The following IARS1 variants were observed in gnomAD, a reference collection of about 807,000 sequenced individuals.
The protein encoded by IARS1 is isoleucine--tRNA ligase, cytoplasmic.
Under a neutral mutation model 168.2 loss-of-function variants are expected in IARS1, and 124 were observed. The ratio of observed to expected loss-of-function variants is 0.74; its 90% CI spans 0.64 to 0.86. The LOEUF (loss-of-function observed/expected upper bound fraction) is 0.86, where lower values mean the gene tolerates loss of function less well. IARS1 is among the 40% of genes least tolerant of loss of function. The pLI is 0.00. For missense variants in IARS1, 1,452 were observed against 1,515.8 expected, an observed-to-expected ratio of 0.96 and a Z score of 0.70; for synonymous variants, 532 against 529.4, an observed-to-expected ratio of 1.00 and a Z score of -0.07.
chr9:92,260,303 A>G, intron 17 of IARS1, 69 bp from the exon 18 acceptor site: 1 of 1,029,670 alleles, frequency 9.7e-7, no homozygotes, highest in Non-Finnish European at 1.5e-6. Flanking sequence ...TTAAGGATAC[A>G]AATCATTTGC....
intron 33 of IARS1, among the ~76,000 whole-genome samples, chr9:92,212,554 TTTGC>T (rs1837937298): frequency 6.6e-6 from 1 of 152,168 alleles, no homozygotes; most frequent in Admixed American, 6.5e-5. Context: ...TGCCACTGCA[TTTGC>T]TTGCAAGAAC....
intron 9 of IARS1, 102 bp downstream of exon 9, chr9:92,277,761 G>A: frequency 1.1e-6 from 1 of 875,082 alleles, no homozygotes; most frequent in Non-Finnish European, 1.8e-6. Flanking sequence ...TCTGGATTCA[G>A]GTACACTCAT....
At chr9:92,256,544 A>G (rs1830745130) in intron 20 of IARS1, 136 bp downstream of exon 20, 1 of 939,154 alleles carries the variant, frequency 1.1e-6, no homozygotes, top group Admixed American at 2.5e-5. Context: ...AAGCCTTAAC[A>G]AAACTATATG....
rs1828464670 is a variant in IARS1, at chr9:92,241,901, C to T, written c.3177+253G>A. Among the ~76,000 whole-genome samples, 3 of 152,074 alleles carry T rather than the reference C, an allele frequency of 2.0e-5. 1 individual carries two copies. Among genetic ancestry groups the T allele is most frequent in the East Asian group, 3.9e-4 (2 of 5,188 alleles). Reference sequence around the variant, plus strand: ...TAGAAAAAACAGGCCATTTTATTTCCGGGCAAAGCTCATGTACCCTCCTGG... The same window carrying T: ...TAGAAAAAACAGGCCATTTTATTTCTGGGCAAAGCTCATGTACCCTCCTGG... On this transcript the variant is annotated intron_variant, in intron 29 of 33. Coordinates refer to ENST00000443024, the MANE Select transcript of IARS1 (RefSeq NM_002161.6).
Position 92,268,287 on chromosome 9 carries a change from C to T in IARS1, c.1318G>A (p.Val440Ile). The change falls in exon 14 of 34, where the codon GTA (valine) becomes ATA (isoleucine). Residue 440 changes from valine to isoleucine, a missense_variant. Transcript: ENST00000443024. The stretch of plus-strand genomic sequence containing the variant: ...CAATTTCCAAATCGTTTTTCTCGTA[C>T]CAACTCTGGGACCCTGCAATAAACA... ...NDLCYWVPEL[V>I]REKRFGNWLK... is the part of the protein sequence containing the mutation. 6.2e-7 allele frequency: 1 copy of T among 1,610,562 alleles called. No individual in the cohort carries two copies. The highest frequency in any genetic ancestry group is 8.5e-7 in the Non-Finnish European group (1 of 1,179,188).
chr9:92,228,992 T>C lies in IARS1; in HGVS notation c.3409+9A>G. On this transcript the variant is annotated intron_variant, in intron 31 of 33. Coordinates refer to ENST00000443024, the MANE Select transcript of IARS1 (RefSeq NM_002161.6). ...CAAAGGACGTAGGCTCCTCTCACTTTCCACATACCTGTTTCATCATGGAAG... is the reference window on the plus strand; with the variant it reads ...CAAAGGACGTAGGCTCCTCTCACTTCCCACATACCTGTTTCATCATGGAAG... 1 of 1,613,826 alleles carries C rather than the reference T, an allele frequency of 6.2e-7. No homozygotes were observed. Among genetic ancestry groups the C allele is most frequent in the South Asian group, 1.1e-5 (1 of 90,962 alleles).
At position 92,211,834 on chromosome 9, in the gene IARS1, C is replaced by T. The variant is rs1215381129; in HGVS notation, c.3707-945G>A. ...ATAATAAGCCTAGGACATGTTGCTA[C>T]GTGAGAAAGCAAGAATTTACCAAAG... On this transcript the variant is annotated intron_variant, in intron 33 of 33. Transcript: ENST00000443024. Among the ~76,000 whole-genome samples the T allele has an allele frequency of 3.3e-5, 5 of 152,046 alleles. No individual in the cohort carries two copies. In the South Asian group the frequency reaches 6.2e-4, roughly 19 times the overall value.
chr9:92,273,957 T>G lies in IARS1; in HGVS notation c.990+469A>C, dbSNP rs374326078. Among the ~76,000 whole-genome samples, 13 of 152,366 alleles carry G rather than the reference T, an allele frequency of 8.5e-5. No individual in the cohort carries two copies. The East Asian group carries it at 9.6e-4, about 11-fold the overall frequency. On this transcript the variant is annotated intron_variant, in intron 10 of 33. Transcript: ENST00000443024. ...TGATTTAAGGTGAGAGGTGGTTTAC[T>G]GTAAAGCATGTGCCTTTATGTTATT...
intron 7 of IARS1, among the ~76,000 whole-genome samples, chr9:92,279,341 A>G (rs1834192290): frequency 6.6e-6 from 1 of 152,170 alleles, no homozygotes; most frequent in African/African-American, 2.4e-5. Flanking sequence ...ATGTGTTTTG[A>G]GATCTCAGTC....
At position 92,245,484 on chromosome 9, in the gene IARS1, G is replaced by A. The variant is rs571486964; in HGVS notation, c.2792-413C>T. 6.8e-4 allele frequency among the ~76,000 whole-genome samples: 103 copies of A among 152,298 alleles called. 1 individual carries two copies. The South Asian group carries it at 0.021, about 31-fold the overall frequency. Reference sequence around the variant, plus strand: ...ATGACATGGTGTTCTGCTACCTGCTGAGCAAGGTGTGGTGAGGCTAAAATG... The same window carrying A: ...ATGACATGGTGTTCTGCTACCTGCTAAGCAAGGTGTGGTGAGGCTAAAATG... On this transcript the variant is annotated intron_variant, in intron 26 of 33. Coordinates refer to ENST00000443024, the MANE Select transcript of IARS1 (RefSeq NM_002161.6).
chr9:92,293,342 A>C, intron 1 of IARS1: 1 of 335,730 alleles, frequency 3.0e-6, no homozygotes, highest in Non-Finnish European at 6.3e-6. Flanking sequence ...ATAAATTAAG[A>C]CATATAAAAA....
intron 18 of IARS1, 29 bp downstream of exon 18, chr9:92,260,122 T>TA (rs1831310438): frequency 1.4e-6 from 2 of 1,466,996 alleles, no homozygotes; most frequent in Admixed American, 3.3e-5. Flanking sequence ...AAACAATAGA[T>TA]ACACACAAGG....
At chr9:92,286,008 T>C (rs1835395226) in intron 5 of IARS1, 169 bp from the exon 6 acceptor site, 2 of 550,880 alleles carry the variant, frequency 3.6e-6, no homozygotes, top group South Asian at 2.4e-5. Context: ...TAGTAAGACA[T>C]CAGGCAGACA....
chr9:92,245,768 ATT>A (rs572872450), intron 26 of IARS1, among the ~76,000 whole-genome samples: 6 of 143,326 alleles, frequency 4.2e-5, no homozygotes, highest in Admixed American at 1.4e-4. Flanking sequence ...TAGCCCAGGA[ATT>A]TTTTTTTTTT....
chr9:92,280,652 T>C lies in IARS1; in HGVS notation c.745+94A>G, dbSNP rs1190244753. 2.0e-5 allele frequency: 14 copies of C among 704,862 alleles called. No individual in the cohort carries two copies. The Admixed American group carries it at 2.0e-4, about 10-fold the overall frequency. 43.7% of individuals were successfully genotyped at this position (704,862 alleles called of 1,614,324 possible). On this transcript the variant is annotated intron_variant, in intron 7 of 33. Coordinates refer to ENST00000443024, the MANE Select transcript of IARS1 (RefSeq NM_002161.6). ...GTCAGATTGTTTTCAAATAATTCTATTCTTCATGCAAAAAGAAAGGTAAGC... is the reference window on the plus strand; with the variant it reads ...GTCAGATTGTTTTCAAATAATTCTACTCTTCATGCAAAAAGAAAGGTAAGC...
At chr9:92,250,637 C>A in intron 23 of IARS1, 76 bp downstream of exon 23, 3 of 1,429,676 alleles carry the variant, frequency 2.1e-6, no homozygotes, top group Admixed American at 2.4e-5. Flanking sequence ...GCAGGGAAAT[C>A]CCTCCTCTTC....
chr9:92,255,947 T>C (rs1263819469), intron 20 of IARS1, among the ~76,000 whole-genome samples: 1 of 152,104 alleles, frequency 6.6e-6, no homozygotes, highest in Non-Finnish European at 1.5e-5. Flanking sequence ...TACCCTGATA[T>C]GACTATTACA....
chr9:92,226,069 C>A (rs1045961970), intron 31 of IARS1, among the ~76,000 whole-genome samples: 1 of 152,178 alleles, frequency 6.6e-6, no homozygotes, highest in Non-Finnish European at 1.5e-5. Context: ...CTCATCCTAC[C>A]GTGACTTTAG....
Position 92,258,983 on chromosome 9 carries a change from G to A in IARS1, c.1887C>T (p.Asn629=), listed in dbSNP as rs760867178. 6.2e-7 allele frequency: 1 copy of A among 1,609,306 alleles called. No homozygotes were observed. Among genetic ancestry groups the A allele is most frequent in the African/African-American group, 1.3e-5 (1 of 74,736 alleles). The stretch of plus-strand genomic sequence containing the variant: ...GGTTTTCTGCTCTCACCACAGGGGA[G>A]TTAATCAGATATAATCTGGAAGAGG... ...GADALRLYLI[N]SPVVRAENLR... is the part of the protein sequence containing the mutation. Residue 629 remains asparagine (N), a synonymous_variant, in exon 19 of 34, where the codon AAC becomes AAT. Coordinates refer to ENST00000443024, the MANE Select transcript of IARS1 (RefSeq NM_002161.6).
Sources: gnomAD v4.1 joint callset for allele counts (sites outside exome capture counted in the v4.1 genomes callset) on GRCh38, gnomAD v4.1.1 for gene constraint, MANE v1.5 for transcripts, NCBI Gene and HGNC (gene_info 2026-07-23, HGNC 2026-07-21) for gene names.